RHEBL1: variants seen among roughly 807,000 people sequenced by gnomAD.
The protein encoded by RHEBL1 is GTPase RhebL1.
A neutral mutation model predicts 27.4 loss-of-function variants in RHEBL1; 22 were observed. That is an observed-to-expected ratio of 0.80 (90% CI 0.57 to 1.15). The LOEUF is 1.15. RHEBL1 is among the 50% of genes most tolerant of loss of function. RHEBL1 has a pLI of 0.00. For missense variants in RHEBL1, 186 were observed against 226.5 expected, an observed-to-expected ratio of 0.82 and a Z score of 1.15; for synonymous variants, 85 against 80.8, an observed-to-expected ratio of 1.05 and a Z score of -0.28.
In RHEBL1 at chr12:49,068,429, C is replaced by CTT. The variant is rs56316449; in HGVS notation, c.124+604_124+605dup. On this transcript the variant is annotated intron_variant, in intron 2 of 7. Transcript: ENST00000301068. ...TACAGGCATAAGCCACGGTGCCCAGCTTTTTTTTTTTTTTTTTTTTTTTTT... is the reference window on the plus strand; with the variant it reads ...TACAGGCATAAGCCACGGTGCCCAGCTTTTTTTTTTTTTTTTTTTTTTTTTTT... Among the ~76,000 whole-genome samples the CTT allele has an allele frequency of 7.1e-3, 709 of 99,614 alleles. 72 individuals carry two copies. The highest frequency in any genetic ancestry group is 0.028 in the African/African-American group (611 of 22,206). The allele number at this position is 99,614 out of a possible 152,430, so 65.4% of individuals were successfully genotyped here.
chr12:49,065,304 A>G (rs1295866847), intron 7 of RHEBL1, 46 bp downstream of exon 7: 1 of 1,588,546 alleles, frequency 6.3e-7, no homozygotes, highest in East Asian at 2.2e-5. Flanking sequence ...TACAATAAGG[A>G]AAACACAGCT....
rs1168370093 is a variant in RHEBL1, at chr12:49,066,130, G to A, written c.380+101C>T. 9 of 876,062 alleles carry A rather than the reference G, an allele frequency of 1.0e-5. No individual in the cohort carries two copies. The Admixed American group carries it at 1.7e-4, about 17-fold the overall frequency. The allele number at this position is 876,062 out of a possible 1,614,324, so 54.3% of individuals were successfully genotyped here. On this transcript the variant is annotated intron_variant, in intron 6 of 7. Transcript: ENST00000301068. The stretch of plus-strand genomic sequence containing the variant: ...CTTCAGGTTAGAGACAAAGAGAGGT[G>A]AAATGACTTGTTTGAGTCAGTGGAA...
rs1329625934 is a variant in RHEBL1 at position 49,065,380 on chromosome 12, T to C, written c.432A>G (p.Thr144=). The part of the protein sequence containing the change: ...GKKLAESWGA[T]FMESSARENQ... ...TCTCTCGAGCAGATGACTCCATAAA[T>C]GTCGCACCCCAGGACTCTGCCAGCT... Residue 144 remains threonine, a synonymous_variant, in exon 7 of 8, where the codon ACA becomes ACG. Coordinates refer to ENST00000301068, the MANE Select transcript of RHEBL1 (RefSeq NM_144593.3). 2 of 1,614,104 alleles carry C rather than the reference T, an allele frequency of 1.2e-6. No homozygotes were observed. The highest frequency in any genetic ancestry group is 2.2e-5 in the South Asian group (2 of 91,084).
At chr12:49,069,250 G>T in intron 1 of RHEBL1, 144 bp from the exon 2 acceptor site, 1 of 1,397,784 alleles carries the variant, frequency 7.2e-7, no homozygotes, top group Non-Finnish European at 9.7e-7. Context: ...TATCCTTTGT[G>T]TCTACCCTCA....
intron 6 of RHEBL1, among the ~76,000 whole-genome samples, chr12:49,065,925 A>T (rs1320920620): frequency 2.2e-5 from 2 of 91,088 alleles, no homozygotes; most frequent in Non-Finnish European, 5.9e-5. Context: ...ACTCCGTCTA[A>T]AAAAAAAAAA....
At chr12:49,069,272 C>G (rs1939048631) in intron 1 of RHEBL1, 166 bp from the exon 2 acceptor site, 1 of 1,207,256 alleles carries the variant, frequency 8.3e-7, no homozygotes, top group Non-Finnish European at 1.1e-6. Flanking sequence ...CCTCTTTTCA[C>G]CCAGGGTCTC....
chr12:49,069,064 G>C lies in RHEBL1; in HGVS notation c.95C>G (p.Ser32Trp). 1 of 1,614,118 alleles carries C rather than the reference G, an allele frequency of 6.2e-7. No homozygotes were observed. Among genetic ancestry groups the C allele is most frequent in the Non-Finnish European group, 8.5e-7 (1 of 1,179,984 alleles). ...LAHQFVEGEF[S>W]EGYDPTVENT... ...CTCCACTGTAGGATCGTAGCCTTCC[G>C]AGAACTCGCCTTCCACAAATTGATG... is the stretch of plus-strand genomic sequence containing the variant. The change falls in exon 2 of 8, where the codon TCG becomes TGG. Residue 32 changes from serine to tryptophan, a missense_variant. Coordinates refer to ENST00000301068, the MANE Select transcript of RHEBL1 (RefSeq NM_144593.3).
At chr12:49,066,340 A>C (rs1053855900) in intron 5 of RHEBL1, 62 bp from the exon 6 acceptor site, 1 of 1,577,144 alleles carries the variant, frequency 6.3e-7, no homozygotes, top group Non-Finnish European at 8.7e-7. Context: ...AACTCCTTAC[A>C]TCAAGGCTGG....
chr12:49,065,070 C>A lies in RHEBL1; in HGVS notation c.*33G>T. 2 of 1,512,942 alleles carry A rather than the reference C, an allele frequency of 1.3e-6. No individual in the cohort carries two copies. Among genetic ancestry groups the A allele is most frequent in the Non-Finnish European group, 1.8e-6 (2 of 1,088,070 alleles). 93.7% of individuals were successfully genotyped at this position (1,512,942 alleles called of 1,614,324 possible). ...ACTGGAACATGGCAAGTGCCGGGGG[C>A]AGAAGCAAGGCAGTTACCCCACACC... On this transcript the variant is annotated 3_prime_UTR_variant, in exon 8 of 8. Coordinates refer to ENST00000301068, the MANE Select transcript of RHEBL1 (RefSeq NM_144593.3).
Position 49,069,857 on chromosome 12 carries a change from C to T in RHEBL1, c.-72G>A. ...CCCGAAAACGAGGTCAGGGTGTGAG[C>T]AGGCGCGGCAGCTGGTGCAGGAAAG... On this transcript the variant is annotated 5_prime_UTR_variant, in exon 1 of 8. Coordinates refer to ENST00000301068, the MANE Select transcript of RHEBL1 (RefSeq NM_144593.3). The T allele has an allele frequency of 1.5e-6, 2 of 1,351,352 alleles. No homozygotes were observed. The highest frequency in any genetic ancestry group is 2.1e-6 in the Non-Finnish European group (2 of 948,084). 83.7% of individuals were successfully genotyped at this position (1,351,352 alleles called of 1,614,324 possible).
rs1416907512 is a variant in RHEBL1 at position 49,064,783 on chromosome 12, A to T, written c.*320T>A. The T allele has an allele frequency of 3.6e-6, 1 of 279,036 alleles. No individual in the cohort carries two copies. Among genetic ancestry groups the T allele is most frequent in the African/African-American group, 2.1e-5 (1 of 46,950 alleles). The allele number at this position is 279,036 out of a possible 1,614,324, so 17.3% of individuals were successfully genotyped here. On this transcript the variant is annotated 3_prime_UTR_variant, in exon 8 of 8. Coordinates refer to ENST00000301068, the MANE Select transcript of RHEBL1 (RefSeq NM_144593.3). Reference sequence around the variant, plus strand: ...TCCCCTTACCCAGCCAACACCCAAAACCCACCCAAGAGGATGGGTCCTGGA... The same window carrying T: ...TCCCCTTACCCAGCCAACACCCAAATCCCACCCAAGAGGATGGGTCCTGGA...
At chr12:49,066,137 CTTG>C (rs1427100286) in intron 6 of RHEBL1, 91 bp downstream of exon 6, 4 of 946,372 alleles carry the variant, frequency 4.2e-6, no homozygotes, top group Non-Finnish European at 6.9e-6. Context: ...GGTGAAATGA[CTTG>C]TTTGAGTCAG....
chr12:49,066,784 T>C, intron 3 of RHEBL1, 83 bp from the exon 4 acceptor site: 1 of 1,303,244 alleles, frequency 7.7e-7, no homozygotes, highest in South Asian at 1.2e-5. Flanking sequence ...CAGGTGACCC[T>C]CCCTGGGGCA....
chr12:49,068,119 ATTCTTTTTTTTTT>A (rs1412231084), intron 2 of RHEBL1, among the ~76,000 whole-genome samples: 2 of 134,108 alleles, frequency 1.5e-5, no homozygotes, highest in Non-Finnish European at 3.3e-5. Flanking sequence ...CATTCTTTTT[ATTCTTTTTTTTTT>A]TTCTTTTTTT....
At chr12:49,069,570 T>A (rs796938235) in intron 1 of RHEBL1, among the ~76,000 whole-genome samples, 164 bp downstream of exon 1, 20 of 47,192 alleles carry the variant, frequency 4.2e-4, no homozygotes, top group African/African-American at 1.6e-3. Context: ...CACCACCAAC[T>A]CTTCCAATCC....
chr12:49,068,559 C>T (rs1177722570), intron 2 of RHEBL1, among the ~76,000 whole-genome samples: 1 of 151,542 alleles, frequency 6.6e-6, no homozygotes, highest in African/African-American at 2.4e-5. Context: ...CCTCAGTCTC[C>T]TTTGTAGCTG....
rs780776091 is a variant in RHEBL1, at chr12:49,066,990, T to C, written c.170A>G (p.His57Arg). The change falls in exon 3 of 8, where the codon CAT becomes CGT. Residue 57 changes from histidine to arginine, a missense_variant. Physicochemically the swap from His to Arg is conservative, Grantham distance 29. Around this residue, in one of 3 missense-constraint regions of RHEBL1, gnomAD observed 34 missense variants for 69.3 expected, o/e 0.49. Transcript: ENST00000301068. Reference sequence around the variant, plus strand: ...TACCTGCCCTGCTGTGTCCACCAGATGTAGGTGAAACTCATCTTTGCCAAG... The same window carrying C: ...TACCTGCCCTGCTGTGTCCACCAGACGTAGGTGAAACTCATCTTTGCCAAG... Reference protein sequence around the residue: ...VTLGKDEFHLHLVDTAGQDEY... With the variant: ...VTLGKDEFHLRLVDTAGQDEY... 4 of 1,614,012 alleles carry C rather than the reference T, an allele frequency of 2.5e-6. No individual in the cohort carries two copies. Among genetic ancestry groups the C allele is most frequent in the South Asian group, 1.1e-5 (1 of 91,086 alleles).
intron 2 of RHEBL1, 49 bp from the exon 3 acceptor site, chr12:49,067,084 A>T: frequency 9.3e-5 from 93 of 1,000,050 alleles, no homozygotes; most frequent in Middle Eastern, 2.2e-4. Flanking sequence ...AGGACCAGCG[A>T]TGTATGTCCC....
rs1939063223 is a variant in RHEBL1 at position 49,069,943 on chromosome 12, G to A, written c.-158C>T. On this transcript the variant is annotated 5_prime_UTR_variant, in exon 1 of 8. Transcript: ENST00000301068. ...GGAAACCAAAACAAGCGCCGCGCCC[G>A]GAGCTGCCCACGTGATCACAACACA... The A allele has an allele frequency of 4.6e-6, 3 of 658,444 alleles. No individual in the cohort carries two copies. Among genetic ancestry groups the A allele is most frequent in the Non-Finnish European group, 8.1e-6 (3 of 368,876 alleles). The allele number at this position is 658,444 out of a possible 1,614,324, so 40.8% of individuals were successfully genotyped here. A position where few individuals can be genotyped will look rare whatever the true frequency, so the allele number is the denominator to read the frequency against.
Sources: allele counts gnomAD v4.1 joint callset (sites outside exome capture counted in the v4.1 genomes callset), GRCh38; gene constraint gnomAD v4.1.1; regional missense constraint gnomAD v4.1.1; transcripts MANE v1.5; gene names NCBI Gene and HGNC (gene_info 2026-07-23, HGNC 2026-07-21).